The following ERI1 variants were observed in gnomAD, a reference collection of about 807,000 sequenced individuals.
ERI1 encodes exoribonuclease 1, also known as 3'-5' exoribonuclease 1.
ERI1 carries 39 observed loss-of-function variants against 39.7 expected under a neutral mutation model. The observed-to-expected ratio is 0.98, with a 90% CI of 0.76 to 1.28. The LOEUF (loss-of-function observed/expected upper bound fraction) is 1.28, where lower values mean the gene tolerates loss of function less well. ERI1 is among the 50% of genes most tolerant of loss of function. The pLI is 0.00. For synonymous variants in ERI1, 204 were observed against 149.6 expected (o/e 1.36, Z -2.65); for missense variants, 581 against 416.9 (o/e 1.39, Z -3.43).
chr8:9,004,195 GGTT>G (rs1815702831), intron 1 of ERI1: 1 of 1,285,478 alleles, frequency 7.8e-7, no homozygotes, highest in Non-Finnish European at 1.0e-6. Flanking sequence ...CTCCTTCTAA[GGTT>G]GTTATTTCAA....
At chr8:9,075,828 A>G (rs1170962807) in intron 3 of ERI1, among the ~76,000 whole-genome samples, 1 of 152,240 alleles carries the variant, frequency 6.6e-6, no homozygotes, top group African/African-American at 2.4e-5. Context: ...TTATAGAGAC[A>G]AGGTCTTGCC....
intron 6 of ERI1, among the ~76,000 whole-genome samples, chr8:9,023,429 T>G (rs1818130856): frequency 1.3e-5 from 2 of 152,156 alleles, no homozygotes; most frequent in South Asian, 4.1e-4. Context: ...TTAAAATAAT[T>G]TTCAGTCAGT....
intron 3 of ERI1, among the ~76,000 whole-genome samples, chr8:9,039,629 G>A (rs562982060): frequency 6.6e-5 from 10 of 152,294 alleles, no homozygotes; most frequent in African/African-American, 2.4e-4. Flanking sequence ...TTCAATATAG[G>A]TGTGTACGTA....
At chr8:9,074,762 T>C (rs1799155604) in intron 3 of ERI1, among the ~76,000 whole-genome samples, 1 of 152,184 alleles carries the variant, frequency 6.6e-6, no homozygotes, top group Non-Finnish European at 1.5e-5. Context: ...GTGCCTGCAT[T>C]TATATGGGAA....
chr8:9,066,100 C>T lies in ERI1; in HGVS notation n.299+45636C>T, dbSNP rs954480816. 2.0e-5 allele frequency among the ~76,000 whole-genome samples: 3 copies of T among 152,284 alleles called. No homozygotes were observed. In the East Asian group the frequency reaches 5.8e-4, roughly 29 times the overall value. On this transcript the variant is annotated intron_variant and non_coding_transcript_variant, in intron 3 of 3. Transcript: ENST00000518663. ...CTATCTGCAGTGCCCTGTTTGCCAC[C>T]AGGGGCTCTAGCTTCTTCATTCATC...
At chr8:9,035,560 G>GAA (rs796283314), downstream of ERI1, among the ~76,000 whole-genome samples, 1 of 147,388 alleles carries the variant, frequency 6.8e-6, no homozygotes, top group African/African-American at 2.5e-5. Context: ...TAGTGCTCAG[G>GAA]AAAAAAAAAA....
intron 3 of ERI1, among the ~76,000 whole-genome samples, chr8:9,050,634 T>C (rs1372390226): frequency 6.6e-6 from 1 of 152,172 alleles, no homozygotes; most frequent in East Asian, 1.9e-4. Context: ...CACCAGAGTG[T>C]AGGCCAAGCC....
At chr8:9,027,827 C>G (rs1047364919) in intron 6 of ERI1, among the ~76,000 whole-genome samples, 1 of 152,182 alleles carries the variant, frequency 6.6e-6, no homozygotes, top group African/African-American at 2.4e-5. Flanking sequence ...ACTAATACCA[C>G]TCTCTTTCAA....
chr8:9,014,339 A>C (rs1369962009), intron 3 of ERI1, among the ~76,000 whole-genome samples: 1 of 151,998 alleles, frequency 6.6e-6, no homozygotes, highest in Non-Finnish European at 1.5e-5. Context: ...TCCTTCCTTA[A>C]ATCTTACCTC....
In ERI1 at chr8:9,030,178, G is replaced by C; in HGVS notation, c.*144G>C. The C allele has an allele frequency of 9.1e-7, 1 of 1,095,610 alleles. No individual in the cohort carries two copies. Among genetic ancestry groups the C allele is most frequent in the Non-Finnish European group, 1.3e-6 (1 of 785,524 alleles). 67.9% of individuals were successfully genotyped at this position (1,095,610 alleles called of 1,614,324 possible). ...TTACAGGTGATAGAGATAGATACAT[G>C]TATGTGAACAGATTTTGTAGGAAGG... On this transcript the variant is annotated 3_prime_UTR_variant, in exon 7 of 7. Coordinates refer to ENST00000250263, the MANE Select transcript of ERI1 (RefSeq NM_153332.4).
chr8:9,057,800 T>A (rs1312605007), intron 3 of ERI1, among the ~76,000 whole-genome samples: 1 of 152,126 alleles, frequency 6.6e-6, no homozygotes, highest in African/African-American at 2.4e-5. Flanking sequence ...TAAAGTGTGG[T>A]CAGGACAGAG....
chr8:9,021,765 G>GTTTTT (rs1161148984), intron 6 of ERI1, among the ~76,000 whole-genome samples: 3 of 51,106 alleles, frequency 5.9e-5, no homozygotes, highest in East Asian at 3.1e-4. Context: ...TATATTATTT[G>GTTTTT]TTTTTTTTGT....
intron 3 of ERI1, among the ~76,000 whole-genome samples, chr8:9,046,227 G>C (rs1170396125): frequency 2.6e-5 from 4 of 152,208 alleles, no homozygotes; most frequent in African/African-American, 9.6e-5. Context: ...AAGCGGTTCT[G>C]AAAGATGCTA....
chr8:9,009,241 A>T (rs569638512), intron 2 of ERI1: 1 of 345,352 alleles, frequency 2.9e-6, no homozygotes, highest in Middle Eastern at 4.1e-4. Flanking sequence ...CACTTTGGCA[A>T]TCTCAGTCTT....
At chr8:9,013,718 A>G (rs73195796) in intron 3 of ERI1, among the ~76,000 whole-genome samples, 6,478 of 152,142 alleles carry the variant, frequency 0.043, 198 homozygotes, top group Non-Finnish European at 0.066. Context: ...AGCCCATTCT[A>G]TCTTTAGCCT....
Position 9,002,958 on chromosome 8 carries a change from G to C in ERI1, c.-106G>C, listed in dbSNP as rs1815524649. On this transcript the variant is annotated 5_prime_UTR_variant, in exon 1 of 7. Transcript: ENST00000250263. ...TGTGTGGCCGCCGCCGCGGGAACGCGAGCCCGGTAATTTTTCAACGGAGAA... is the reference window on the plus strand; with the variant it reads ...TGTGTGGCCGCCGCCGCGGGAACGCCAGCCCGGTAATTTTTCAACGGAGAA... 1.2e-6 allele frequency: 1 copy of C among 831,610 alleles called. No individual in the cohort carries two copies. The highest frequency in any genetic ancestry group is 1.6e-6 in the Non-Finnish European group (1 of 620,604). 51.5% of individuals were successfully genotyped at this position (831,610 alleles called of 1,614,324 possible).
chr8:9,025,317 T>A (rs1818355321), intron 6 of ERI1, among the ~76,000 whole-genome samples: 1 of 152,238 alleles, frequency 6.6e-6, no homozygotes, highest in Admixed American at 6.5e-5. Flanking sequence ...TGTAACATGA[T>A]TATTTCCAAA....
At chr8:9,058,949 C>G (rs973325666) in intron 3 of ERI1, among the ~76,000 whole-genome samples, 7 of 152,066 alleles carry the variant, frequency 4.6e-5, no homozygotes, top group Admixed American at 4.6e-4. Context: ...ACCAAACAGG[C>G]TTTGTGTGAG....
At chr8:9,026,389 C>T (rs902614633) in intron 6 of ERI1, among the ~76,000 whole-genome samples, 10 of 152,184 alleles carry the variant, frequency 6.6e-5, no homozygotes, top group African/African-American at 2.4e-4. Context: ...GCCTGTTGAA[C>T]TTCCCCTTCC....
Sources: allele counts gnomAD v4.1 joint callset (sites outside exome capture counted in the v4.1 genomes callset), GRCh38; gene constraint gnomAD v4.1.1; transcripts MANE v1.5; gene names NCBI Gene and HGNC (gene_info 2026-07-23, HGNC 2026-07-21).